Variants in ARMC3 observed in about 807,000 individuals in gnomAD.
The protein encoded by ARMC3 is armadillo repeat-containing protein 3.
In ARMC3, 74 loss-of-function variants were observed where a neutral mutation model predicts 90.3. That is an observed-to-expected ratio of 0.82 (90% confidence interval 0.68 to 0.99). ARMC3 has a LOEUF of 0.99. Among genes scored for constraint, ARMC3 ranks in the 50% least tolerant of loss-of-function variants. The pLI, the probability that ARMC3 is intolerant of heterozygous loss-of-function variation, is 0.00. For missense variants in ARMC3, 958 were observed against 1,042.8 expected (o/e 0.92, Z 1.12); for synonymous variants, 334 against 361.8 (o/e 0.92, Z 0.87).
intron 13 of ARMC3, among the ~76,000 whole-genome samples, chr10:23,004,711 A>G (rs1837489711): frequency 1.3e-5 from 2 of 152,182 alleles, no homozygotes; most frequent in Non-Finnish European, 2.9e-5. Context: ...CCATCGTGGT[A>G]GTGGAGAACT....
At chr10:22,960,770 G>T (rs779741044) in intron 6 of ARMC3, 1 of 152,182 alleles carries the variant, frequency 6.6e-6, no homozygotes, top group African/African-American at 2.4e-5. Flanking sequence ...AGTTCTGGAG[G>T]CCAGAAGTCC....
intron 2 of ARMC3, among the ~76,000 whole-genome samples, chr10:22,935,126 T>C (rs1445240106): frequency 6.6e-6 from 1 of 152,210 alleles, no homozygotes; most frequent in Non-Finnish European, 1.5e-5. Flanking sequence ...TAACTGAACA[T>C]TTATGTTAAT....
intron 16 of ARMC3, among the ~76,000 whole-genome samples, chr10:23,017,011 C>A (rs1374558350): frequency 6.6e-6 from 1 of 152,166 alleles, no homozygotes; most frequent in Non-Finnish European, 1.5e-5. Flanking sequence ...TTCTAATTGA[C>A]CTTCCTAGTA....
At chr10:22,948,102 C>A (rs1564345128) in intron 3 of ARMC3, among the ~76,000 whole-genome samples, 1 of 151,994 alleles carries the variant, frequency 6.6e-6, no homozygotes. Context: ...AATGAGAGAA[C>A]AACAAATCAT....
intron 2 of ARMC3, among the ~76,000 whole-genome samples, chr10:22,933,221 G>C (rs1002333802): frequency 1.1e-4 from 17 of 151,962 alleles, no homozygotes; most frequent in African/African-American, 4.1e-4. Context: ...CATTCTGGCT[G>C]CTTCTCTTAG....
chr10:22,977,193 T>C (rs956321252), intron 8 of ARMC3, among the ~76,000 whole-genome samples: 4 of 152,238 alleles, frequency 2.6e-5, no homozygotes, highest in Non-Finnish European at 5.9e-5. Flanking sequence ...AATTTTCTAA[T>C]TCTGTTAATT....
At chr10:23,022,247 T>C (rs2131541059) in intron 16 of ARMC3, among the ~76,000 whole-genome samples, 1 of 152,376 alleles carries the variant, frequency 6.6e-6, no homozygotes, top group South Asian at 2.1e-4. Context: ...AAATTTACTT[T>C]GCATATGAAT....
chr10:22,967,296 A>G (rs1196164832), intron 7 of ARMC3, among the ~76,000 whole-genome samples: 1 of 152,166 alleles, frequency 6.6e-6, no homozygotes, highest in East Asian at 1.9e-4. Context: ...ATCTAGAATA[A>G]TATTTGGCCA....
chr10:22,982,715 T>C (rs903689509), intron 10 of ARMC3, among the ~76,000 whole-genome samples: 2 of 152,224 alleles, frequency 1.3e-5, no homozygotes, highest in African/African-American at 4.8e-5. Context: ...AAAATAATTA[T>C]TTGCCCTGCC....
intron 11 of ARMC3, among the ~76,000 whole-genome samples, chr10:23,001,486 TA>T (rs1837286123): frequency 6.6e-6 from 1 of 152,170 alleles, no homozygotes; most frequent in African/African-American, 2.4e-5. Flanking sequence ...TAATCCAGGA[TA>T]ACCTCCCCAT....
At chr10:22,931,954 T>A (rs12360508) in intron 1 of ARMC3, 42 bp from the exon 2 acceptor site, 244,334 of 1,531,674 alleles carry the variant, frequency 0.16, 25,810 homozygotes, top group East Asian at 0.46. Context: ...GAGAAATGTA[T>A]GTGCAAATGT....
Position 22,981,364 on chromosome 10 carries a change from A to G in ARMC3, c.941A>G (p.Glu314Gly), listed in dbSNP as rs962830167. ...YDPENRKLFH[E>G]QEVEKCLVAL... is the part of the protein sequence containing the mutation. Reference sequence around the variant, plus strand: ...GCTGAAAATAGAAAACTTTTTCATGAACAAGAGGTTGAAAAGTGCCTTGTA... The same window carrying G: ...GCTGAAAATAGAAAACTTTTTCATGGACAAGAGGTTGAAAAGTGCCTTGTA... Residue 314 changes from glutamate to glycine, a missense_variant, in exon 9 of 19, where the codon GAA becomes GGA. By Grantham distance (98) the Glu-to-Gly change is moderately conservative. Transcript: ENST00000298032. 1 of 1,603,184 alleles carries G rather than the reference A, an allele frequency of 6.2e-7. No individual in the cohort carries two copies. The highest frequency in any genetic ancestry group is 1.3e-5 in the African/African-American group (1 of 74,168).
chr10:23,009,899 C>T (rs560837434), intron 16 of ARMC3, among the ~76,000 whole-genome samples: 19 of 152,260 alleles, frequency 1.2e-4, no homozygotes, highest in African/African-American at 4.6e-4. Context: ...CTGTAAGGGC[C>T]ACGGTGGCAT....
In ARMC3 at chr10:22,995,663, G is replaced by C. The variant is rs1227564112; in HGVS notation, c.1176-2485G>C. Among the ~76,000 whole-genome samples, 4 of 152,130 alleles carry C rather than the reference G, an allele frequency of 2.6e-5. No individual in the cohort carries two copies. In the East Asian group the frequency reaches 7.7e-4, roughly 29 times the overall value. The stretch of plus-strand genomic sequence containing the variant: ...TATGCCTTTGTAGAGGAGAAAGAAA[G>C]AAACAAAATCAAAGCAGAAAGGCTG... On this transcript the variant is annotated intron_variant, in intron 10 of 18. Coordinates refer to ENST00000298032, the MANE Select transcript of ARMC3 (RefSeq NM_173081.5).
chr10:22,929,389 T>G (rs1406855035), intron 1 of ARMC3, among the ~76,000 whole-genome samples: 1 of 152,116 alleles, frequency 6.6e-6, no homozygotes, highest in Non-Finnish European at 1.5e-5. Flanking sequence ...CTTTGGGTGA[T>G]TTTTATTTTA....
intron 18 of ARMC3, among the ~76,000 whole-genome samples, chr10:23,034,346 A>G (rs769884147): frequency 6.7e-4 from 102 of 152,226 alleles, no homozygotes; most frequent in Non-Finnish European, 1.3e-3. Flanking sequence ...AAATCCTATT[A>G]CCATGACTAA....
chr10:23,007,110 T>C (rs1302247537), intron 14 of ARMC3, 129 bp downstream of exon 14: 1 of 713,434 alleles, frequency 1.4e-6, no homozygotes, highest in African/African-American at 1.8e-5. Flanking sequence ...TCCATGAAAA[T>C]AAACACTGGC....
At chr10:23,036,838 C>T (rs1213056270) in intron 18 of ARMC3, among the ~76,000 whole-genome samples, 1 of 152,212 alleles carries the variant, frequency 6.6e-6, no homozygotes, top group Non-Finnish European at 1.5e-5. Flanking sequence ...CTCTCCTGCC[C>T]CATGGCACGC....
rs1292724259 is a variant in ARMC3, at chr10:23,030,670, G to A, written c.2120G>A (p.Gly707Asp). 1.2e-6 allele frequency: 2 copies of A among 1,613,882 alleles called. No individual in the cohort carries two copies. The highest frequency in any genetic ancestry group is 1.7e-6 in the Non-Finnish European group (2 of 1,179,880). ...EEVMVVPKFV[G>D]EGSSDKEWCP... ...GTTATGGTGGTACCAAAATTTGTTG[G>A]TGAAGGAAGCTCTGACAAAGAATGG... Residue 707 changes from glycine to aspartate, a missense_variant, in exon 17 of 19, where the codon GGT becomes GAT. Transcript: ENST00000298032.
Sources: allele counts gnomAD v4.1 joint callset (sites outside exome capture counted in the v4.1 genomes callset), GRCh38; gene constraint gnomAD v4.1.1; transcripts MANE v1.5; gene names NCBI Gene and HGNC (gene_info 2026-07-23, HGNC 2026-07-21).